Variants in NUP210 observed in about 807,000 individuals in gnomAD.
The protein encoded by NUP210 is nuclear pore membrane glycoprotein 210.
A neutral mutation model predicts 196.0 loss-of-function variants in NUP210; 151 were observed. The ratio of observed to expected loss-of-function variants is 0.77; its 90% CI spans 0.67 to 0.88. The LOEUF (loss-of-function observed/expected upper bound fraction) is 0.88, where lower values mean the gene tolerates loss of function less well. Among genes scored for constraint, NUP210 ranks in the 40% least tolerant of loss-of-function variants. The pLI, the probability that NUP210 is intolerant of heterozygous loss-of-function variation, is 0.00. For missense variants in NUP210, 2,314 were observed against 2,493.7 expected, an observed-to-expected ratio of 0.93 and a Z score of 1.53; for synonymous variants, 1,070 against 1,052.7, an observed-to-expected ratio of 1.02 and a Z score of -0.32.
chr3:13,343,446 C>G (rs1395828055), intron 20 of NUP210, 143 bp from the exon 21 acceptor site: 3 of 1,079,778 alleles, frequency 2.8e-6, no homozygotes. Context: ...GCCCGCCAGG[C>G]CAGCACTGGG....
intron 1 of NUP210, among the ~76,000 whole-genome samples, chr3:13,404,163 A>G (rs1003976200): frequency 3.9e-5 from 6 of 152,194 alleles, no homozygotes; most frequent in African/African-American, 1.4e-4. Context: ...AAGGGACACA[A>G]AAGAACTGCA....
chr3:13,318,807 A>G (rs1008027066), intron 39 of NUP210, among the ~76,000 whole-genome samples: 5 of 152,150 alleles, frequency 3.3e-5, no homozygotes, highest in African/African-American at 1.2e-4. Context: ...CAGTCCTAGC[A>G]TGCACTCCTG....
intron 14 of NUP210, among the ~76,000 whole-genome samples, chr3:13,363,164 A>G (rs774619448): frequency 1.3e-5 from 2 of 152,128 alleles, no homozygotes; most frequent in African/African-American, 4.8e-5. Context: ...CGCTCAATCA[A>G]TGGCCCCTGC....
At chr3:13,412,239 T>TC (rs1450987291) in intron 1 of NUP210, among the ~76,000 whole-genome samples, 14 of 131,942 alleles carry the variant, frequency 1.1e-4, no homozygotes, top group African/African-American at 4.6e-4. Context: ...TTCTTTTTTT[T>TC]TTTTTTTTAG....
intron 21 of NUP210, 104 bp from the exon 22 acceptor site, chr3:13,342,227 C>G: frequency 7.0e-7 from 1 of 1,422,136 alleles, no homozygotes; most frequent in Non-Finnish European, 9.6e-7. Flanking sequence ...CCTCAACCCA[C>G]AGACCTGGGA....
At position 13,351,993 on chromosome 3, in the gene NUP210, G is replaced by C. The variant is rs778839554; in HGVS notation, c.2734-13C>G. On this transcript the variant is annotated splice_polypyrimidine_tract_variant and intron_variant, in intron 19 of 39. Transcript: ENST00000254508. The stretch of plus-strand genomic sequence containing the variant: ...TGCGGAGCTCTGCCTGCAGGAGGCA[G>C]ATGCAGGGAGGGTTGGGCCGCATGT... 2 of 1,608,216 alleles carry C rather than the reference G, an allele frequency of 1.2e-6. No individual in the cohort carries two copies. Among genetic ancestry groups the C allele is most frequent in the South Asian group, 2.2e-5 (2 of 90,796 alleles).
At chr3:13,359,443 T>G (rs969367958) in intron 15 of NUP210, among the ~76,000 whole-genome samples, 2 of 152,190 alleles carry the variant, frequency 1.3e-5, no homozygotes, top group Non-Finnish European at 1.5e-5. Context: ...GCATCTTTTC[T>G]GGCCATACCA....
At chr3:13,336,516 A>G (rs1342032909) in intron 27 of NUP210, among the ~76,000 whole-genome samples, 1 of 152,184 alleles carries the variant, frequency 6.6e-6, no homozygotes, top group Non-Finnish European at 1.5e-5. Context: ...AATGGTCAGA[A>G]GCTGCAGACT....
In NUP210 at chr3:13,352,252, G is replaced by A. The variant is rs981485368; in HGVS notation, c.2629-68C>T. The A allele has an allele frequency of 5.0e-6, 6 of 1,199,638 alleles. No individual in the cohort carries two copies. In the African/African-American group the frequency reaches 6.0e-5, roughly 12 times the overall value. 74.3% of individuals were successfully genotyped at this position (1,199,638 alleles called of 1,614,324 possible). A position where few individuals can be genotyped will look rare whatever the true frequency, so the allele number is the denominator to read the frequency against. On this transcript the variant is annotated intron_variant, in intron 18 of 39. Transcript: ENST00000254508. ...TTAGGCTGCCCCTCGGGAAGAACAG[G>A]CCCAAAAGCCCTAGGGCCTGGCCTT...
In NUP210 at chr3:13,347,408, C is replaced by G; in HGVS notation, c.2836-4105G>C. ...AAAGAATCGTTGAAAAGAAGGAAAACTTAGGCTTAAATCGGATAAACACTC... is the reference window on the plus strand; with the variant it reads ...AAAGAATCGTTGAAAAGAAGGAAAAGTTAGGCTTAAATCGGATAAACACTC... On this transcript the variant is annotated intron_variant, in intron 20 of 39. Coordinates refer to ENST00000254508, the MANE Select transcript of NUP210 (RefSeq NM_024923.4). This position sits in a 1 kb window ranked among gnomAD's most constrained non-coding sequence, Gnocchi z 4.7. The G allele has an allele frequency of 2.3e-6, 2 of 882,648 alleles. No homozygotes were observed. Among genetic ancestry groups the G allele is most frequent in the Non-Finnish European group, 2.7e-6 (2 of 736,362 alleles). The allele number at this position is 882,648 out of a possible 1,614,324, so 54.7% of individuals were successfully genotyped here. A position where few individuals can be genotyped will look rare whatever the true frequency, so the allele number is the denominator to read the frequency against.
chr3:13,380,724 C>T (rs761918834), intron 6 of NUP210, among the ~76,000 whole-genome samples: 155 of 152,316 alleles, frequency 1.0e-3, no homozygotes, highest in Non-Finnish European at 1.6e-3. Context: ...CAGCTCAGGG[C>T]TTCAACACCC....
rs550951516 is a variant in NUP210, at chr3:13,335,846, T to C, written c.3685-234A>G. ...CCTGCCCTGCCTGCATCGCACAACATGCACAGATGCATTTGGAAAACACTG... is the reference window on the plus strand; with the variant it reads ...CCTGCCCTGCCTGCATCGCACAACACGCACAGATGCATTTGGAAAACACTG... On this transcript the variant is annotated intron_variant, in intron 27 of 39. Coordinates refer to ENST00000254508, the MANE Select transcript of NUP210 (RefSeq NM_024923.4). 3.9e-3 allele frequency among the ~76,000 whole-genome samples: 589 copies of C among 152,326 alleles called. 6 individuals carry two copies. Among genetic ancestry groups the C allele is most frequent in the African/African-American group, 0.014 (573 of 41,580 alleles).
At chr3:13,356,384 C>T (rs780133260) in intron 16 of NUP210, among the ~76,000 whole-genome samples, 2 of 152,216 alleles carry the variant, frequency 1.3e-5, no homozygotes, top group Non-Finnish European at 2.9e-5. Context: ...GTGGCTCACG[C>T]CTGTAATCCC....
intron 1 of NUP210, among the ~76,000 whole-genome samples, chr3:13,407,198 G>T (rs1700031980): frequency 6.6e-6 from 1 of 152,194 alleles, no homozygotes; most frequent in African/African-American, 2.4e-5. Flanking sequence ...CCCAAATGAA[G>T]GAGTTGTGGT....
At chr3:13,403,666 T>C (rs1034442143) in intron 1 of NUP210, among the ~76,000 whole-genome samples, 6 of 152,156 alleles carry the variant, frequency 3.9e-5, no homozygotes, top group Admixed American at 6.5e-5. Flanking sequence ...CTCTGACCCC[T>C]GCCCAGGCTC....
At chr3:13,377,907 T>C (rs936315233) in intron 8 of NUP210, among the ~76,000 whole-genome samples, 3 of 143,882 alleles carry the variant, frequency 2.1e-5, no homozygotes, top group African/African-American at 2.6e-5. Flanking sequence ...ACCACCCACC[T>C]GCAGGCCCCA....
chr3:13,400,263 G>T (rs891549888), intron 1 of NUP210, among the ~76,000 whole-genome samples: 2 of 152,132 alleles, frequency 1.3e-5, no homozygotes, highest in African/African-American at 4.8e-5. Context: ...CAGGCATCTC[G>T]ACCGACCTCT....
intron 23 of NUP210, among the ~76,000 whole-genome samples, chr3:13,341,451 T>A (rs1000258020): frequency 1.3e-5 from 2 of 152,190 alleles, no homozygotes; most frequent in African/African-American, 4.8e-5. Flanking sequence ...CTGGGAATAG[T>A]CCTGGTGTGT....
intron 13 of NUP210, among the ~76,000 whole-genome samples, chr3:13,367,246 G>C (rs1164365585): frequency 6.6e-6 from 1 of 152,192 alleles, no homozygotes; most frequent in South Asian, 2.1e-4. Context: ...AGACTAGCCT[G>C]ACCAACATGG....
Sources: gnomAD v4.1 joint callset for allele counts (sites outside exome capture counted in the v4.1 genomes callset) on GRCh38, gnomAD v4.1.1 for gene constraint, Gnocchi (gnomAD v3.1) non-coding constraint, MANE v1.5 for transcripts, NCBI Gene and HGNC (gene_info 2026-07-23, HGNC 2026-07-21) for gene names.